Variants in VPS8 observed in about 807,000 individuals in gnomAD.
VPS8 encodes the protein vacuolar protein sorting-associated protein 8 homolog.
VPS8 carries 129 observed loss-of-function variants against 216.4 expected under a neutral mutation model. The observed-to-expected ratio is 0.60, with a 90% CI of 0.52 to 0.69. VPS8 has a LOEUF of 0.69. VPS8 is among the 30% of genes least tolerant of loss of function. The pLI is 0.00. For synonymous variants in VPS8, 571 were observed against 565.4 expected (o/e 1.01, Z -0.14); for missense variants, 1,531 against 1,683.5 (o/e 0.91, Z 1.59).
Position 184,824,522 on chromosome 3 carries a change from T to G in VPS8, c.-88-23T>G, listed in dbSNP as rs565951885. ...AAATGATAGTGTTTTGTTTTGTTTT[T>G]GTTTTTTTCTTTTTTTGAAAAGAGA... On this transcript the variant is annotated intron_variant, in intron 1 of 47. Coordinates refer to ENST00000625842, the MANE Select transcript of VPS8 (RefSeq NM_001009921.3). 74 of 1,183,088 alleles carry G rather than the reference T, an allele frequency of 6.3e-5. 2 individuals are homozygous for G. The South Asian group carries it at 1.0e-3, about 16-fold the overall frequency. The allele number at this position is 1,183,088 out of a possible 1,614,324, so 73.3% of individuals were successfully genotyped here. A position where few individuals can be genotyped will look rare whatever the true frequency, so the allele number is the denominator to read the frequency against.
Position 185,009,611 on chromosome 3 carries a change from C to T in VPS8, c.4002+9750C>T, listed in dbSNP as rs191682395. Among the ~76,000 whole-genome samples the T allele has an allele frequency of 5.6e-3, 851 of 151,870 alleles. 7 individuals are homozygous for T. The highest frequency in any genetic ancestry group is 0.014 in the Middle Eastern group (4 of 294). On this transcript the variant is annotated intron_variant, in intron 45 of 47. Transcript: ENST00000625842. The stretch of plus-strand genomic sequence containing the variant: ...GACAAGATGCATTTGGAGTTTTTTG[C>T]GGGGGGTAGGGAAGGGGCAAAATAT...
At chr3:184,870,902 A>C in intron 21 of VPS8, 97 bp downstream of exon 21, 1 of 1,111,060 alleles carries the variant, frequency 9.0e-7, no homozygotes, top group East Asian at 2.6e-5. Flanking sequence ...TTTTGGTTAA[A>C]CATTTTTTTA....
rs188744242 is a variant in VPS8 at position 184,996,926 on chromosome 3, C to T, written c.3836+425C>T. 4.6e-5 allele frequency among the ~76,000 whole-genome samples: 7 copies of T among 152,222 alleles called. No homozygotes were observed. The East Asian group carries it at 1.3e-3, about 29-fold the overall frequency. On this transcript the variant is annotated intron_variant, in intron 44 of 47. Transcript: ENST00000625842. ...TATAAGAGAAAAATGAATCTTTGGT[C>T]TGAGCAATTGGGTAAACATGGTACC... is the stretch of plus-strand genomic sequence containing the variant.
intron 37 of VPS8, among the ~76,000 whole-genome samples, chr3:184,963,494 G>A (rs1249998141): frequency 6.6e-6 from 1 of 152,050 alleles, no homozygotes; most frequent in African/African-American, 2.4e-5. Context: ...GTTTTAAAAT[G>A]TTACTGATTT....
At chr3:184,936,561 G>GTGTGTGTGT (rs1741672503) in intron 35 of VPS8, among the ~76,000 whole-genome samples, 4 of 147,760 alleles carry the variant, frequency 2.7e-5, no homozygotes, top group Non-Finnish European at 4.5e-5. Context: ...GTGTGTGTGT[G>GTGTGTGTGT]GTTGGGAGCA....
Position 185,047,026 on chromosome 3 carries a change from T to C in VPS8, c.4057-1453T>C, listed in dbSNP as rs181051620. 2.0e-5 allele frequency among the ~76,000 whole-genome samples: 3 copies of C among 152,282 alleles called. No individual in the cohort carries two copies. In the East Asian group the frequency reaches 5.8e-4, roughly 29 times the overall value. On this transcript the variant is annotated intron_variant, in intron 46 of 47. Coordinates refer to ENST00000625842, the MANE Select transcript of VPS8 (RefSeq NM_001009921.3). ...GACAGAGGGAGCTGACCTTAGCAGC[T>C]CTCATTTCCATAAAGTTTTCCCTCT...
intron 7 of VPS8, 90 bp from the exon 8 acceptor site, chr3:184,843,149 TG>T: frequency 1.0e-6 from 1 of 964,866 alleles, no homozygotes; most frequent in South Asian, 2.2e-5. Flanking sequence ...CTTATATTCT[TG>T]AAATTTTTTA....
intron 15 of VPS8, among the ~76,000 whole-genome samples, chr3:184,860,468 T>TACACACACACACAC (rs59791657): frequency 6.8e-6 from 1 of 147,212 alleles, no homozygotes. Context: ...TACACACACA[T>TACACACACACACAC]ACACACACAC....
intron 45 of VPS8, among the ~76,000 whole-genome samples, chr3:185,021,771 G>A (rs12632625): frequency 0.23 from 34,706 of 152,078 alleles, 5,236 homozygotes; most frequent in East Asian, 0.53. Flanking sequence ...AACCTGCAAC[G>A]TGGTCCTACT....
chr3:184,831,427 T>C (rs1719954460), intron 3 of VPS8, among the ~76,000 whole-genome samples: 1 of 152,194 alleles, frequency 6.6e-6, no homozygotes, highest in African/African-American at 2.4e-5. Context: ...AATGAGTGGA[T>C]CGAGGTAGTG....
chr3:185,007,098 C>G (rs1754365078), intron 45 of VPS8, among the ~76,000 whole-genome samples: 1 of 152,182 alleles, frequency 6.6e-6, no homozygotes, highest in Non-Finnish European at 1.5e-5. Flanking sequence ...CCCCAGAAAG[C>G]CTGCTTTCTC....
intron 25 of VPS8, among the ~76,000 whole-genome samples, chr3:184,904,974 GGTGCT>G (rs2109013588): frequency 6.6e-6 from 1 of 152,294 alleles, no homozygotes; most frequent in Non-Finnish European, 1.5e-5. Flanking sequence ...CCAAAATCAA[GGTGCT>G]GGCACCTAGT....
At chr3:184,900,640 GA>G (rs1734312291) in intron 24 of VPS8, among the ~76,000 whole-genome samples, 1 of 152,142 alleles carries the variant, frequency 6.6e-6, no homozygotes, top group South Asian at 2.1e-4. Flanking sequence ...AAGCGTTTAA[GA>G]ACCAAAGGAT....
At chr3:184,986,637 C>T (rs902827602) in intron 42 of VPS8, among the ~76,000 whole-genome samples, 1 of 152,158 alleles carries the variant, frequency 6.6e-6, no homozygotes, top group African/African-American at 2.4e-5. Flanking sequence ...AAACCCTAAA[C>T]AGATTGGATG....
intron 36 of VPS8, among the ~76,000 whole-genome samples, chr3:184,948,302 A>G (rs182538705): frequency 6.6e-6 from 1 of 152,034 alleles, no homozygotes; most frequent in African/African-American, 2.4e-5. Flanking sequence ...TCTACAGGCC[A>G]AGAATTCAAG....
intron 42 of VPS8, among the ~76,000 whole-genome samples, chr3:184,991,682 T>C (rs1036453164): frequency 6.6e-6 from 1 of 152,210 alleles, no homozygotes; most frequent in Non-Finnish European, 1.5e-5. Flanking sequence ...TTGTACCATC[T>C]GTTGATATTT....
chr3:184,917,171 C>T lies in VPS8; in HGVS notation c.2382+1697C>T, dbSNP rs116607307. Among the ~76,000 whole-genome samples, 896 of 152,018 alleles carry T rather than the reference C, an allele frequency of 5.9e-3. 7 individuals carry two copies. Among genetic ancestry groups the T allele is most frequent in the African/African-American group, 0.016 (674 of 41,442 alleles). On this transcript the variant is annotated intron_variant, in intron 28 of 47. Transcript: ENST00000625842. Reference sequence around the variant, plus strand: ...ATGGTGTCTACACTGAGTCTCAAAACATTAATAGAAGTTAGTCAGGGGAAG... The same window carrying T: ...ATGGTGTCTACACTGAGTCTCAAAATATTAATAGAAGTTAGTCAGGGGAAG...
chr3:185,041,097 C>T (rs918768922), intron 46 of VPS8, among the ~76,000 whole-genome samples: 3 of 151,814 alleles, frequency 2.0e-5, no homozygotes, highest in Non-Finnish European at 4.4e-5. Context: ...CCCAGCTATT[C>T]GGGAGGCTGA....
chr3:184,856,670 T>A (rs1056618842), intron 14 of VPS8, among the ~76,000 whole-genome samples: 2 of 152,170 alleles, frequency 1.3e-5, no homozygotes, highest in African/African-American at 4.8e-5. Flanking sequence ...CCATTGCTGT[T>A]TCCTTAGTCT....
Sources: gnomAD v4.1 joint callset for allele counts (sites outside exome capture counted in the v4.1 genomes callset) on GRCh38, gnomAD v4.1.1 for gene constraint, MANE v1.5 for transcripts, NCBI Gene and HGNC (gene_info 2026-07-23, HGNC 2026-07-21) for gene names.